The following PAQR5 variants were observed in gnomAD, a reference collection of about 807,000 sequenced individuals.
PAQR5 encodes the protein progestin and adipoQ receptor family member 5.
A neutral mutation model predicts 34.5 loss-of-function variants in PAQR5; 20 were observed. The observed-to-expected ratio is 0.58, with a 90% confidence interval of 0.41 to 0.84. PAQR5 has a LOEUF of 0.84. Among genes scored for constraint, PAQR5 ranks in the 40% least tolerant of loss-of-function variants. The probability of loss-of-function intolerance (pLI) is 0.00; values close to 1 mark genes in which losing one functional copy is unlikely to be tolerated. For synonymous variants in PAQR5, 131 were observed against 155.6 expected (o/e 0.84, Z 1.18); for missense variants, 378 against 412.7 (o/e 0.92, Z 0.73).
chr15:69,394,902 TTC>T (rs1321142323), intron 6 of PAQR5, among the ~76,000 whole-genome samples: 4 of 152,238 alleles, frequency 2.6e-5, no homozygotes, highest in African/African-American at 9.6e-5. Context: ...CTTTTTCTCC[TTC>T]TCTTTTCCCT....
At chr15:69,350,153 G>A (rs925679507) in intron 2 of PAQR5, among the ~76,000 whole-genome samples, 6 of 152,240 alleles carry the variant, frequency 3.9e-5, no homozygotes, top group African/African-American at 1.2e-4. Context: ...GCCGCGTGGC[G>A]GCACTCAGCT....
At chr15:69,401,032 T>C (rs941739389) in intron 8 of PAQR5, 1 of 152,140 alleles carries the variant, frequency 6.6e-6, no homozygotes, top group African/African-American at 2.4e-5. Context: ...AGTGATCTGG[T>C]GGAGAGAAGG....
chr15:69,312,116 G>A lies in PAQR5; in HGVS notation c.-277+13060G>A, dbSNP rs1368625624. 3.3e-5 allele frequency among the ~76,000 whole-genome samples: 5 copies of A among 152,270 alleles called. No homozygotes were observed. In the East Asian group the frequency reaches 7.7e-4, roughly 24 times the overall value. ...CAAACTGCGGGGTGCAGGGGAGTGTGTGGGTGTGTTTGGGTGTCCGGGAGG... is the reference window on the plus strand; with the variant it reads ...CAAACTGCGGGGTGCAGGGGAGTGTATGGGTGTGTTTGGGTGTCCGGGAGG... On this transcript the variant is annotated intron_variant, in intron 1 of 8. Transcript: ENST00000395407.
chr15:69,347,353 A>T (rs2054801275), intron 2 of PAQR5, among the ~76,000 whole-genome samples: 1 of 152,214 alleles, frequency 6.6e-6, no homozygotes, highest in South Asian at 2.1e-4. Context: ...CATTATAAAC[A>T]TTCTGTATTT....
chr15:69,356,667 C>G (rs1328235059), intron 2 of PAQR5, among the ~76,000 whole-genome samples: 1 of 152,116 alleles, frequency 6.6e-6, no homozygotes, highest in Non-Finnish European at 1.5e-5. Flanking sequence ...CCCCTGGTAA[C>G]CACTATCCAG....
Position 69,300,605 on chromosome 15 carries a change from C to CTTTA in PAQR5, c.-277+1552_-277+1553insATTT, listed in dbSNP as rs1230114123. Among the ~76,000 whole-genome samples, 6 of 42,580 alleles carry CTTTA rather than the reference C, an allele frequency of 1.4e-4. 1 individual carries two copies. The highest frequency in any genetic ancestry group is 4.1e-4 in the African/African-American group (6 of 14,490). 27.9% of individuals were successfully genotyped at this position (42,580 alleles called of 152,430 possible). ...TCTTTCTTTCCTTCTTTCTTTCTTT[C>CTTTA]TTTCTTTCTTTCTTTCTTTCTTTCT... On this transcript the variant is annotated intron_variant, in intron 1 of 8. Coordinates refer to ENST00000395407, the MANE Select transcript of PAQR5 (RefSeq NM_017705.4).
intron 2 of PAQR5, among the ~76,000 whole-genome samples, chr15:69,354,565 G>T (rs148175843): frequency 1.3e-5 from 2 of 152,152 alleles, no homozygotes; most frequent in African/African-American, 4.8e-5. Context: ...ATCATGTTTT[G>T]CAGAACTATC....
chr15:69,362,898 A>C (rs1243097886), intron 3 of PAQR5, among the ~76,000 whole-genome samples: 1 of 152,074 alleles, frequency 6.6e-6, no homozygotes, highest in Non-Finnish European at 1.5e-5. Context: ...TCCCATCCAC[A>C]GACCCTCTTC....
chr15:69,351,630 A>G (rs968404109), intron 2 of PAQR5, among the ~76,000 whole-genome samples: 2 of 152,146 alleles, frequency 1.3e-5, no homozygotes, highest in East Asian at 3.9e-4. Flanking sequence ...TGATCACCTT[A>G]TCTTTCCACA....
rs770206062 is a variant in PAQR5 at position 69,305,708 on chromosome 15, A to T, written c.-277+6652A>T. On this transcript the variant is annotated intron_variant, in intron 1 of 8. Transcript: ENST00000395407. ...AAGTGAATCAGCCCACCCACCAAGC[A>T]GAGGAGGGAGAGAGGGTGGAGTGTG... Among the ~76,000 whole-genome samples, 13 of 99,390 alleles carry T rather than the reference A, an allele frequency of 1.3e-4. 1 individual carries two copies. Among genetic ancestry groups the T allele is most frequent in the Non-Finnish European group, 2.0e-4 (10 of 50,390 alleles). 65.2% of individuals were successfully genotyped at this position (99,390 alleles called of 152,430 possible).
In PAQR5 at chr15:69,397,826, C is replaced by T. The variant is rs149330648; in HGVS notation, c.609+262C>T. The T allele has an allele frequency of 1.8e-3, 975 of 535,296 alleles. 9 individuals carry two copies. The highest frequency in any genetic ancestry group is 0.017 in the African/African-American group (920 of 52,784). The allele number at this position is 535,296 out of a possible 1,614,324, so 33.2% of individuals were successfully genotyped here. ...TTATGTCTTCCTTTTTCTACATAGACACAGTAACAGTCTGATATATCTTTC... is the reference window on the plus strand; with the variant it reads ...TTATGTCTTCCTTTTTCTACATAGATACAGTAACAGTCTGATATATCTTTC... On this transcript the variant is annotated intron_variant, in intron 7 of 8. Transcript: ENST00000395407.
At chr15:69,354,529 T>C (rs2055005698) in intron 2 of PAQR5, among the ~76,000 whole-genome samples, 2 of 152,136 alleles carry the variant, frequency 1.3e-5, no homozygotes, top group African/African-American at 4.8e-5. Context: ...GATGAGTGCA[T>C]TTTGGGTTGT....
At chr15:69,355,958 T>C (rs1567017711) in intron 2 of PAQR5, among the ~76,000 whole-genome samples, 1 of 152,168 alleles carries the variant, frequency 6.6e-6, no homozygotes, top group Non-Finnish European at 1.5e-5. Context: ...CCTTTCTTTC[T>C]TAAGCTATTC....
intron 2 of PAQR5, among the ~76,000 whole-genome samples, chr15:69,356,459 T>A (rs2055079767): frequency 1.3e-5 from 2 of 152,238 alleles, no homozygotes; most frequent in Admixed American, 1.3e-4. Flanking sequence ...ATTTTGAAAT[T>A]GTATGCCACT....
intron 6 of PAQR5, chr15:69,391,695 G>C (rs1324748023): frequency 2.2e-6 from 1 of 456,040 alleles, no homozygotes; most frequent in Non-Finnish European, 4.4e-6. Context: ...TTTAGGATTA[G>C]ACAGGGAGAG....
intron 4 of PAQR5, among the ~76,000 whole-genome samples, chr15:69,381,314 A>C (rs917273923): frequency 6.6e-6 from 1 of 152,178 alleles, no homozygotes; most frequent in African/African-American, 2.4e-5. Flanking sequence ...TGCTGTGAGC[A>C]TCCACAGCAT....
rs113003500 is a variant in PAQR5, at chr15:69,374,398, G to A, written c.52-5485G>A. ...AGGTTATAATTGCTGCAGCAAGGCC[G>A]GGCACAGTGGCTCACGTCTGTAATC... On this transcript the variant is annotated intron_variant, in intron 3 of 8. Coordinates refer to ENST00000395407, the MANE Select transcript of PAQR5 (RefSeq NM_017705.4). 2.9e-3 allele frequency among the ~76,000 whole-genome samples: 435 copies of A among 152,242 alleles called. 3 individuals carry two copies. Among genetic ancestry groups the A allele is most frequent in the Admixed American group, 7.8e-3 (119 of 15,288 alleles).
At chr15:69,310,225 A>G (rs9302252) in intron 1 of PAQR5, among the ~76,000 whole-genome samples, 63,094 of 152,014 alleles carry the variant, frequency 0.42, 13,398 homozygotes, top group African/African-American at 0.52. Context: ...TACTTCAGTC[A>G]TTTTGCAAAT....
intron 2 of PAQR5, among the ~76,000 whole-genome samples, chr15:69,354,331 C>A (rs2055001123): frequency 6.6e-6 from 1 of 152,170 alleles, no homozygotes; most frequent in Admixed American, 6.5e-5. Context: ...AATATGTTTG[C>A]ATGTATATAT....
Sources: allele counts gnomAD v4.1 joint callset (sites outside exome capture counted in the v4.1 genomes callset), GRCh38; gene constraint gnomAD v4.1.1; transcripts MANE v1.5; gene names NCBI Gene and HGNC (gene_info 2026-07-23, HGNC 2026-07-21).